Variants in PCDH15 observed in about 807,000 individuals in gnomAD.
PCDH15 encodes protocadherin-15.
A neutral mutation model predicts 178.5 loss-of-function variants in PCDH15; 129 were observed. The observed-to-expected ratio is 0.72, with a 90% CI of 0.63 to 0.84. The LOEUF is 0.84. PCDH15 is among the 40% of genes least tolerant of loss of function. PCDH15 has a pLI of 0.00. For missense variants in PCDH15, 2,230 were observed against 2,099.9 expected, an observed-to-expected ratio of 1.06 and a Z score of -1.21; for synonymous variants, 800 against 732.0, an observed-to-expected ratio of 1.09 and a Z score of -1.50.
chr10:55,253,996 C>A (rs915272304), intron 1 of PCDH15, among the ~76,000 whole-genome samples: 2 of 152,102 alleles, frequency 1.3e-5, no homozygotes, highest in African/African-American at 4.8e-5. Context: ...ATGTCTCTAT[C>A]CTTTAAAAAC....
chr10:53,824,444 T>C (rs2076536106), intron 32 of PCDH15, among the ~76,000 whole-genome samples: 2 of 152,152 alleles, frequency 1.3e-5, no homozygotes, highest in African/African-American at 4.8e-5. Context: ...AGAAATTAAC[T>C]AGCCATATTG....
chr10:55,437,691 T>G (rs1042073597), intron 2 of PCDH15, among the ~76,000 whole-genome samples: 3 of 152,118 alleles, frequency 2.0e-5, no homozygotes, highest in Admixed American at 2.0e-4. Flanking sequence ...CCCATAGGGT[T>G]TCTAACTGTA....
At chr10:54,090,211 G>A (rs954282044) in intron 15 of PCDH15, 148 bp from the exon 16 acceptor site, 10 of 669,330 alleles carry the variant, frequency 1.5e-5, no homozygotes, top group Admixed American at 2.5e-5. Flanking sequence ...ATGGCAAGGT[G>A]TAAAATCAAA....
At chr10:54,415,580 A>C (rs1432184023) in intron 3 of PCDH15, among the ~76,000 whole-genome samples, 2 of 152,154 alleles carry the variant, frequency 1.3e-5, no homozygotes, top group African/African-American at 4.8e-5. Flanking sequence ...AAATTATTTT[A>C]AATAATATTC....
chr10:55,540,129 G>A (rs1336639546), intron 2 of PCDH15, among the ~76,000 whole-genome samples: 2 of 151,976 alleles, frequency 1.3e-5, no homozygotes, highest in Non-Finnish European at 2.9e-5. Context: ...CTCAGATTGT[G>A]CCTTAATCTA....
At chr10:54,927,230 G>A (rs145677987) in intron 2 of PCDH15, among the ~76,000 whole-genome samples, 54 of 152,032 alleles carry the variant, frequency 3.6e-4, no homozygotes, top group African/African-American at 1.1e-3. Context: ...GCATTTCCAC[G>A]TTATTGTATG....
intron 1 of PCDH15, among the ~76,000 whole-genome samples, chr10:54,749,657 C>A (rs1945938698): frequency 6.6e-6 from 1 of 152,044 alleles, no homozygotes; most frequent in African/African-American, 2.4e-5. Flanking sequence ...AAGAAATACT[C>A]CAGTTACATT....
chr10:55,221,075 T>A (rs2589454), intron 1 of PCDH15, among the ~76,000 whole-genome samples: 143,570 of 152,164 alleles, frequency 0.94, 67,766 homozygotes, highest in Admixed American at 0.95. Context: ...ATGAAAAGAA[T>A]CAAGTCCCTA....
At chr10:53,991,101 G>A (rs530857703) in intron 21 of PCDH15, among the ~76,000 whole-genome samples, 8 of 151,894 alleles carry the variant, frequency 5.3e-5, no homozygotes, top group African/African-American at 1.4e-4. Flanking sequence ...CCCCACCCCC[G>A]TGGGCTCCCG....
intron 2 of PCDH15, among the ~76,000 whole-genome samples, chr10:54,551,798 A>C (rs2086647470): frequency 6.6e-6 from 1 of 152,056 alleles, no homozygotes; most frequent in Admixed American, 6.6e-5. Flanking sequence ...AATAGTATGT[A>C]TTCCTAAAAT....
intron 2 of PCDH15, among the ~76,000 whole-genome samples, chr10:55,102,336 A>C (rs913135602): frequency 2.0e-5 from 3 of 152,102 alleles, no homozygotes; most frequent in African/African-American, 7.2e-5. Flanking sequence ...AGCCCATTAG[A>C]GAGGTCTCCT....
chr10:55,126,472 A>G (rs1178717966), intron 2 of PCDH15, among the ~76,000 whole-genome samples: 1 of 152,106 alleles, frequency 6.6e-6, no homozygotes, highest in African/African-American at 2.4e-5. Flanking sequence ...TGGTCTCAAT[A>G]GGGGTGAAAA....
rs993864043 is a variant in PCDH15, at chr10:54,367,543, C to A, written c.474+1577G>T. Among the ~76,000 whole-genome samples the A allele has an allele frequency of 3.9e-5, 6 of 151,902 alleles. No individual in the cohort carries two copies. The Admixed American group carries it at 3.9e-4, about 10-fold the overall frequency. On this transcript the variant is annotated intron_variant, in intron 5 of 37. Coordinates refer to ENST00000644397, the MANE Select transcript of PCDH15 (RefSeq NM_001384140.1). ...TGAGGCTGGAAACCGTCATTCTCAG[C>A]AAACTAACAAGAACAGAAAACCAAA...
chr10:54,238,174 C>A (rs1226956543), intron 8 of PCDH15, among the ~76,000 whole-genome samples: 4 of 152,072 alleles, frequency 2.6e-5, no homozygotes, highest in Non-Finnish European at 5.9e-5. Context: ...GTCTCAATAT[C>A]TACAACCTTA....
rs540955685 is a variant in PCDH15 at position 54,304,955 on chromosome 10, G to A, written c.876+12316C>T. ...TTAGGGCTGCCTACAAATCAAGTCG[G>A]TTTAGAGCTATTATAGTTGAGTAGT... On this transcript the variant is annotated intron_variant, in intron 8 of 37. Transcript: ENST00000644397. 3.3e-5 allele frequency among the ~76,000 whole-genome samples: 5 copies of A among 152,102 alleles called. No individual in the cohort carries two copies. The South Asian group carries it at 1.0e-3, about 32-fold the overall frequency.
intron 1 of PCDH15, among the ~76,000 whole-genome samples, chr10:55,201,006 C>A (rs1196683880): frequency 6.6e-6 from 1 of 152,080 alleles, no homozygotes; most frequent in Non-Finnish European, 1.5e-5. Flanking sequence ...CAGACTAATA[C>A]AGAGGTCTAG....
At chr10:54,451,605 T>C (rs2076484424) in intron 3 of PCDH15, among the ~76,000 whole-genome samples, 1 of 151,948 alleles carries the variant, frequency 6.6e-6, no homozygotes, top group Admixed American at 6.6e-5. Context: ...TAAAACAAGT[T>C]TGGATAGTTT....
intron 1 of PCDH15, among the ~76,000 whole-genome samples, chr10:54,758,572 T>C (rs1947464402): frequency 6.6e-6 from 1 of 152,230 alleles, no homozygotes; most frequent in Non-Finnish European, 1.5e-5. Flanking sequence ...TGAGTATCTC[T>C]TCATATTAAT....
At chr10:55,187,600 T>G (rs1839832390) in intron 1 of PCDH15, among the ~76,000 whole-genome samples, 1 of 151,854 alleles carries the variant, frequency 6.6e-6, no homozygotes, top group Non-Finnish European at 1.5e-5. Flanking sequence ...CACATAAGGG[T>G]TTTGACCATG....
Sources: gnomAD v4.1 joint callset for allele counts (sites outside exome capture counted in the v4.1 genomes callset) on GRCh38, gnomAD v4.1.1 for gene constraint, MANE v1.5 for transcripts, NCBI Gene and HGNC (gene_info 2026-07-23, HGNC 2026-07-21) for gene names.